Variants in CAMK2B observed in about 807,000 individuals in gnomAD.
The protein encoded by CAMK2B is calcium/calmodulin-dependent protein kinase type II subunit beta.
In CAMK2B, 27 loss-of-function variants were observed where a neutral mutation model predicts 93.7. The ratio of observed to expected loss-of-function variants is 0.29; its 90% CI spans 0.21 to 0.40. The LOEUF (loss-of-function observed/expected upper bound fraction) is 0.40, where lower values mean the gene tolerates loss of function less well. CAMK2B is among the 10% of genes least tolerant of loss of function. The pLI, the probability that CAMK2B is intolerant of heterozygous loss-of-function variation, is 1.00. For missense variants in CAMK2B, 568 were observed against 895.8 expected (o/e 0.63, Z 4.67); for synonymous variants, 374 against 358.8 (o/e 1.04, Z -0.48).
chr7:44,298,870 T>G (rs1433119871), intron 1 of CAMK2B, among the ~76,000 whole-genome samples: 1 of 151,950 alleles, frequency 6.6e-6, no homozygotes, highest in Non-Finnish European at 1.5e-5. Flanking sequence ...AAATTTTTTT[T>G]AATTGAAAAA....
intron 6 of CAMK2B, 38 bp from the exon 7 acceptor site, chr7:44,243,565 T>A: frequency 1.3e-6 from 2 of 1,564,318 alleles, no homozygotes; most frequent in Non-Finnish European, 1.8e-6. Context: ...GCATGTTGTT[T>A]AAACCCAGAG....
chr7:44,229,496 TG>T lies in CAMK2B; in HGVS notation c.1230del (p.Arg411GlyfsTer6), dbSNP rs1562818656. 1.4e-6 allele frequency: 2 copies of T among 1,421,868 alleles called. No homozygotes were observed. Among genetic ancestry groups the T allele is most frequent in the Non-Finnish European group, 1.8e-6 (2 of 1,085,064 alleles). The allele number at this position is 1,421,868 out of a possible 1,614,324, so 88.1% of individuals were successfully genotyped here. A position where few individuals can be genotyped will look rare whatever the true frequency, so the allele number is the denominator to read the frequency against. ...TTIEDEDAKA[P>X]RVPDILSSVR... ...ACTGAGCTCAGGATGTCGGGGACCC[TG>T]GGGGCTGAGGCGGAACAGGTGAGGC... On this transcript the variant is annotated frameshift_variant, in exon 18 of 24. Transcript: ENST00000395749. LOFTEE classifies it high-confidence loss of function.
intron 1 of CAMK2B, among the ~76,000 whole-genome samples, chr7:44,321,957 C>G (rs1796190098): frequency 6.6e-6 from 1 of 152,230 alleles, no homozygotes; most frequent in South Asian, 2.1e-4. Flanking sequence ...ACTCGAGGAC[C>G]CTCCTCGGCA....
intron 1 of CAMK2B, among the ~76,000 whole-genome samples, chr7:44,309,147 G>A (rs533739852): frequency 2.6e-5 from 4 of 152,314 alleles, no homozygotes; most frequent in Middle Eastern, 3.4e-3. Context: ...AGGAGTGGGC[G>A]GGCACCAGGC....
In CAMK2B at chr7:44,325,458, G is replaced by C. The variant is rs746402492; in HGVS notation, c.-37C>G. The C allele has an allele frequency of 9.6e-7, 1 of 1,044,066 alleles. No homozygotes were observed. The highest frequency in any genetic ancestry group is 5.1e-5 in the Admixed American group (1 of 19,658). 64.7% of individuals were successfully genotyped at this position (1,044,066 alleles called of 1,614,324 possible). ...ACGGGCTCGGCGTGCGCTCGGCTGC[G>C]CTCGGGCGGCGGCGACTCCGGCTCC... On this transcript the variant is annotated 5_prime_UTR_variant, in exon 1 of 24. Transcript: ENST00000395749.
chr7:44,299,038 C>A (rs1584758285), intron 1 of CAMK2B, among the ~76,000 whole-genome samples: 1 of 151,988 alleles, frequency 6.6e-6, no homozygotes, highest in Non-Finnish European at 1.5e-5. Context: ...CAATTCCACT[C>A]CAAGGTGGAT....
chr7:44,290,537 G>A (rs1786497325), intron 1 of CAMK2B, among the ~76,000 whole-genome samples: 1 of 152,234 alleles, frequency 6.6e-6, no homozygotes. Context: ...GAGGAGGCCT[G>A]GGCTAGGGGC....
In CAMK2B at chr7:44,272,872, G is replaced by A. The variant is rs181062092; in HGVS notation, c.161-9808C>T. On this transcript the variant is annotated intron_variant, in intron 2 of 23. Coordinates refer to ENST00000395749, the MANE Select transcript of CAMK2B (RefSeq NM_001220.5). ...GATCAGAACCATCCTCCAGCTTGCGGGGTGCAGCTCAGCTTTGAAACGGAG... is the reference window on the plus strand; with the variant it reads ...GATCAGAACCATCCTCCAGCTTGCGAGGTGCAGCTCAGCTTTGAAACGGAG... Among the ~76,000 whole-genome samples the A allele has an allele frequency of 1.9e-3, 282 of 152,334 alleles. 4 individuals are homozygous for A. The highest frequency in any genetic ancestry group is 5.8e-3 in the African/African-American group (241 of 41,574).
At chr7:44,278,392 G>A (rs116582961) in intron 2 of CAMK2B, among the ~76,000 whole-genome samples, 201 of 152,300 alleles carry the variant, frequency 1.3e-3, no homozygotes, top group African/African-American at 4.5e-3. Flanking sequence ...ACCTGGCCAC[G>A]GTCAGACAGC....
intron 1 of CAMK2B, among the ~76,000 whole-genome samples, chr7:44,303,457 T>C (rs1264407941): frequency 1.3e-5 from 2 of 152,094 alleles, no homozygotes; most frequent in Admixed American, 1.3e-4. Context: ...CAACACAATA[T>C]TGAAGGAGAA....
intron 1 of CAMK2B, among the ~76,000 whole-genome samples, chr7:44,321,942 A>G (rs995406952): frequency 2.6e-5 from 4 of 152,222 alleles, no homozygotes; most frequent in Non-Finnish European, 5.9e-5. Flanking sequence ...CTGCAAAGAC[A>G]GAAGACTCGA....
chr7:44,310,480 G>A (rs1374452006), intron 1 of CAMK2B, among the ~76,000 whole-genome samples: 2 of 152,210 alleles, frequency 1.3e-5, no homozygotes, highest in Non-Finnish European at 2.9e-5. Context: ...TGCGCGGTGG[G>A]AGGGGGCCAT....
At chr7:44,284,010 C>T in intron 2 of CAMK2B, 121 bp downstream of exon 2, 8 of 675,222 alleles carry the variant, frequency 1.2e-5, no homozygotes, top group Non-Finnish European at 2.0e-5. Flanking sequence ...GAGCCACAGG[C>T]AGGGTGGGCC....
chr7:44,280,820 G>C (rs1347462934), intron 2 of CAMK2B, among the ~76,000 whole-genome samples: 1 of 152,106 alleles, frequency 6.6e-6, no homozygotes, highest in Admixed American at 6.5e-5. Context: ...AGGTCACAGC[G>C]GCAGCGCAAC....
intron 2 of CAMK2B, among the ~76,000 whole-genome samples, chr7:44,266,078 C>A (rs1318255168): frequency 6.6e-6 from 1 of 152,168 alleles, no homozygotes; most frequent in Non-Finnish European, 1.5e-5. Context: ...TTGATCCTGT[C>A]TCCAGTGACC....
At chr7:44,222,538 C>G (rs1024755780) in intron 20 of CAMK2B, among the ~76,000 whole-genome samples, 2 of 151,948 alleles carry the variant, frequency 1.3e-5, no homozygotes, top group African/African-American at 4.8e-5. Context: ...CAGGTTCAAG[C>G]GATTCTCCTG....
intron 6 of CAMK2B, among the ~76,000 whole-genome samples, chr7:44,246,454 C>T (rs778729641): frequency 3.9e-4 from 60 of 151,968 alleles, no homozygotes; most frequent in Non-Finnish European, 8.1e-4. Context: ...CACACACACA[C>T]ATGCATACAC....
intron 3 of CAMK2B, among the ~76,000 whole-genome samples, chr7:44,261,895 G>A (rs1562943823): frequency 6.6e-6 from 1 of 152,220 alleles, no homozygotes; most frequent in Non-Finnish European, 1.5e-5. Flanking sequence ...GGATGCAGTG[G>A]GTTGGTGGGC....
chr7:44,229,870 G>C (rs1023730638), intron 17 of CAMK2B: 15 of 188,608 alleles, frequency 8.0e-5, no homozygotes, highest in East Asian at 2.5e-4. Flanking sequence ...AGTCATCGTA[G>C]GGGCATGATG....
Sources: allele counts gnomAD v4.1 joint callset (sites outside exome capture counted in the v4.1 genomes callset), GRCh38; gene constraint gnomAD v4.1.1; transcripts MANE v1.5; gene names NCBI Gene and HGNC (gene_info 2026-07-23, HGNC 2026-07-21).